The following PABIR3 variants were observed in gnomAD, a reference collection of about 807,000 sequenced individuals.
PABIR3 encodes the protein PABIR family member 3.
Under a neutral mutation model 23.1 loss-of-function variants are expected in PABIR3, and 20 were observed. The observed-to-expected ratio is 0.86, with a 90% CI of 0.61 to 1.26. PABIR3 has a LOEUF of 1.26. PABIR3 is among the 50% of genes most tolerant of loss of function. The pLI is 0.00. For missense variants in PABIR3, 189 were observed against 195.4 expected (o/e 0.97, Z 0.20); for synonymous variants, 69 against 68.5 (o/e 1.01, Z -0.04).
intron 4 of PABIR3, among the ~76,000 whole-genome samples, chrX:134,832,715 T>C (rs1019430037): frequency 9.0e-6 from 1 of 111,569 alleles, no homozygotes; most frequent in Non-Finnish European, 1.9e-5. Flanking sequence ...GATCTCATTC[T>C]TTTTATGGCT....
intron 1 of PABIR3, among the ~76,000 whole-genome samples, chrX:134,799,305 C>T (rs2079998799): frequency 8.9e-6 from 1 of 112,062 alleles, no homozygotes; most frequent in Non-Finnish European, 1.9e-5. Flanking sequence ...TTATCTTTGG[C>T]ATTCTCCGGG....
In PABIR3 at chrX:134,854,733, T is replaced by C. The variant is rs954131090; in HGVS notation, c.*516T>C. 2 of 112,218 alleles carry C rather than the reference T, an allele frequency of 1.8e-5. No individual in the cohort carries two copies. The highest frequency in any genetic ancestry group is 5.6e-4 in the East Asian group (2 of 3,602). 9.2% of individuals were successfully genotyped at this position (112,218 alleles called of 1,213,427 possible). ...AAGTTATACCATACTGATCCAAGGA[T>C]TGCTTATTTTGCACATGAATCCTTA... On this transcript the variant is annotated 3_prime_UTR_variant, in exon 11 of 11. Coordinates refer to ENST00000645433, the MANE Select transcript of PABIR3 (RefSeq NM_001388447.1).
intron 10 of PABIR3, among the ~76,000 whole-genome samples, chrX:134,853,706 A>G (rs112803577): frequency 1.9e-5 from 2 of 107,308 alleles, no homozygotes; most frequent in African/African-American, 6.9e-5. Context: ...TGCAACCTCT[A>G]CCTCCTGGGT....
the PABIR3 span, among the ~76,000 whole-genome samples, chrX:134,861,100 C>T: frequency 9.0e-6 from 1 of 110,700 alleles, no homozygotes; most frequent in East Asian, 2.8e-4. Context: ...TATGGTGAAA[C>T]CCTTTCTCTA....
intron 6 of PABIR3, among the ~76,000 whole-genome samples, chrX:134,846,351 A>T (rs191741789): frequency 1.8e-5 from 2 of 112,198 alleles, no homozygotes; most frequent in East Asian, 5.6e-4. Context: ...AGCCTGTAAC[A>T]CATTCTCCCA....
chrX:134,828,010 GCTCTCTCTCTCT>G (rs1167724649), intron 3 of PABIR3, among the ~76,000 whole-genome samples: 1 of 61,295 alleles, frequency 1.6e-5, no homozygotes, highest in South Asian at 1.3e-3. Flanking sequence ...CTAGCTCAGT[GCTCTCTCTCTCT>G]CTCTCTCTCT....
chrX:134,812,356 C>T (rs987476146), intron 2 of PABIR3, among the ~76,000 whole-genome samples: 2 of 111,829 alleles, frequency 1.8e-5, no homozygotes, highest in Non-Finnish European at 3.8e-5. Flanking sequence ...CATTAGTGTC[C>T]CTCCAATTTT....
In PABIR3 at chrX:134,810,332, A is replaced by G. The variant is rs1447518671; in HGVS notation, c.110+2624A>G. ...TTTTTGCTTATATTAGAGCATAGCT[A>G]CAGTGTTACATTCCATAGCTTAAGA... On this transcript the variant is annotated intron_variant, in intron 2 of 10. Transcript: ENST00000645433. 6 of 753,223 alleles carry G rather than the reference A, an allele frequency of 8.0e-6. No homozygotes were observed. The East Asian group carries it at 4.5e-4, about 57-fold the overall frequency. 62.1% of individuals were successfully genotyped at this position (753,223 alleles called of 1,213,427 possible).
intron 9 of PABIR3, among the ~76,000 whole-genome samples, chrX:134,852,213 G>A (rs773532725): frequency 3.6e-5 from 4 of 112,138 alleles, no homozygotes; most frequent in Middle Eastern, 4.7e-3. Context: ...AGTGGCTCAC[G>A]CCTGTAATCC....
chrX:134,856,937 G>A (rs1269467136), downstream of PABIR3, among the ~76,000 whole-genome samples: 5 of 110,915 alleles, frequency 4.5e-5, no homozygotes, highest in Non-Finnish European at 7.6e-5. Flanking sequence ...GCTGGAACCC[G>A]GCAGGCGGAG....
chrX:134,848,534 G>A (rs1198532005), intron 8 of PABIR3, among the ~76,000 whole-genome samples: 1 of 112,196 alleles, frequency 8.9e-6, no homozygotes, highest in Non-Finnish European at 1.9e-5. Flanking sequence ...ATAAGGATCA[G>A]AGCTATCTCT....
intron 9 of PABIR3, among the ~76,000 whole-genome samples, chrX:134,850,493 C>G (rs1489855569): frequency 9.0e-6 from 1 of 111,272 alleles, no homozygotes; most frequent in Non-Finnish European, 1.9e-5. Context: ...GGTCTTTTAC[C>G]TGTGCTGTGA....
intron 2 of PABIR3, chrX:134,810,327 T>C (rs1330973375): frequency 1.3e-6 from 1 of 753,297 alleles, no homozygotes; most frequent in Non-Finnish European, 1.6e-6. Context: ...TATTAGAGCA[T>C]AGCTACAGTG....
downstream of PABIR3, among the ~76,000 whole-genome samples, chrX:134,857,205 A>G (rs1485271442): frequency 9.0e-6 from 1 of 111,563 alleles, no homozygotes; most frequent in Non-Finnish European, 1.9e-5. Flanking sequence ...CCTAAGATCA[A>G]GGAGTCACCT....
the PABIR3 span, among the ~76,000 whole-genome samples, chrX:134,864,411 AC>A: frequency 8.9e-6 from 1 of 111,741 alleles, no homozygotes; most frequent in Non-Finnish European, 1.9e-5. Context: ...TAAGATACAG[AC>A]CATTTCCTTT....
intron 4 of PABIR3, among the ~76,000 whole-genome samples, chrX:134,837,350 CA>C (rs1284225377): frequency 2.8e-4 from 29 of 102,495 alleles, no homozygotes; most frequent in South Asian, 1.7e-3. Flanking sequence ...ACTCCTTCTC[CA>C]AAAAAAAAAA....
At chrX:134,797,222 G>C (rs963241659) in intron 1 of PABIR3, 1 of 113,796 alleles carries the variant, frequency 8.8e-6, no homozygotes, top group Admixed American at 9.2e-5. Flanking sequence ...GCGTCCAGCG[G>C]CCACTCCAAT....
chrX:134,827,584 A>G, intron 3 of PABIR3, among the ~76,000 whole-genome samples: 1 of 111,555 alleles, frequency 9.0e-6, no homozygotes, highest in Non-Finnish European at 1.9e-5. Context: ...GAGGTTTAAG[A>G]ACTCAGAGGA....
chrX:134,810,326 A>G, intron 2 of PABIR3: 2 of 754,811 alleles, frequency 2.6e-6, no homozygotes, highest in Non-Finnish European at 3.1e-6. Flanking sequence ...ATATTAGAGC[A>G]TAGCTACAGT....
Sources: allele counts gnomAD v4.1 joint callset (sites outside exome capture counted in the v4.1 genomes callset), GRCh38; gene constraint gnomAD v4.1.1; transcripts MANE v1.5; gene names NCBI Gene and HGNC (gene_info 2026-07-23, HGNC 2026-07-21).